The following ATR variants were observed in gnomAD, a reference collection of about 807,000 sequenced individuals.
ATR encodes ATR checkpoint kinase, also known as serine/threonine-protein kinase ATR.
In ATR, 142 loss-of-function variants were observed where a neutral mutation model predicts 305.3. The observed-to-expected ratio is 0.47, with a 90% CI of 0.41 to 0.53. The LOEUF (loss-of-function observed/expected upper bound fraction) is 0.53. Ranked by LOEUF, ATR falls within the 20% of genes least tolerant of loss-of-function variation. ATR has a pLI of 0.00. For missense variants in ATR, 2,135 were observed against 3,133.1 expected (o/e 0.68, Z 7.60); for synonymous variants, 1,050 against 1,068.1 (o/e 0.98, Z 0.33).
chr3:142,501,744 C>T (rs897339172), intron 30 of ATR, among the ~76,000 whole-genome samples: 24 of 151,850 alleles, frequency 1.6e-4, no homozygotes, highest in African/African-American at 5.1e-4. Context: ...AGAATGGCTA[C>T]TATTATTATT....
At chr3:142,567,943 T>C (rs1577712810) in intron 2 of ATR, 120 bp downstream of exon 2, 1 of 806,310 alleles carries the variant, frequency 1.2e-6, no homozygotes, top group Non-Finnish European at 1.9e-6. Context: ...TGCTTGAAAA[T>C]AGTAACTATC....
chr3:142,495,959 G>A (rs1310409617), intron 34 of ATR, among the ~76,000 whole-genome samples: 1 of 151,810 alleles, frequency 6.6e-6, no homozygotes, highest in Non-Finnish European at 1.5e-5. Context: ...CTAATTATCT[G>A]CCAGCAACTA....
rs2034937897 is a variant in ATR, at chr3:142,562,954, A to G, written c.448T>C (p.Leu150=). The change falls in exon 4 of 47, where the codon TTA becomes CTA. Residue 150 remains leucine (L), a synonymous_variant. Coordinates refer to ENST00000350721, the MANE Select transcript of ATR (RefSeq NM_001184.4). The part of the protein sequence containing the change: ...AIFGVLTKEL[L]QLFEDLVYLH... ...TAAACCAAGTCTTCAAAAAGTTGTA[A>G]TAATTCTTTTGTGAGTACCCCAAAA... 5.0e-6 allele frequency: 8 copies of G among 1,612,786 alleles called. No individual in the cohort carries two copies. The highest frequency in any genetic ancestry group is 6.8e-6 in the Non-Finnish European group (8 of 1,179,642).
intron 13 of ATR, among the ~76,000 whole-genome samples, chr3:142,550,660 C>T (rs534165214): frequency 2.0e-5 from 3 of 152,140 alleles, no homozygotes; most frequent in South Asian, 2.1e-4. Flanking sequence ...AGTCTATACA[C>T]CATTATAAGA....
intron 35 of ATR, among the ~76,000 whole-genome samples, chr3:142,491,406 G>A (rs1185619531): frequency 1.3e-5 from 2 of 152,136 alleles, no homozygotes; most frequent in African/African-American, 4.8e-5. Context: ...CTGAAAAGTT[G>A]GTAGTCTGAC....
intron 21 of ATR, among the ~76,000 whole-genome samples, chr3:142,530,987 A>G (rs1009355991): frequency 3.3e-5 from 5 of 152,012 alleles, no homozygotes; most frequent in African/African-American, 7.2e-5. Context: ...CTTTTTTTAT[A>G]CAGTCTCATC....
intron 36 of ATR, among the ~76,000 whole-genome samples, chr3:142,479,811 T>G (rs564563438): frequency 1.2e-4 from 19 of 152,324 alleles, no homozygotes; most frequent in African/African-American, 4.6e-4. Context: ...TCTCTAAACT[T>G]CTCTTCTCGC....
intron 46 of ATR, chr3:142,451,837 C>T (rs932508172): frequency 7.7e-7 from 1 of 1,304,172 alleles, no homozygotes; most frequent in East Asian, 4.6e-5. Context: ...TGCTAGAGCT[C>T]TTTCAGCTGT....
In ATR at chr3:142,493,135, A is replaced by G. The variant is rs1268323889; in HGVS notation, c.6075T>C (p.Tyr2025=). The change falls in exon 35 of 47, where the codon TAT becomes TAC. Residue 2025 remains tyrosine (Y), a synonymous_variant. Coordinates refer to ENST00000350721, the MANE Select transcript of ATR (RefSeq NM_001184.4). ...NFESNAIMKK[Y]KDVTACLPEW... is the part of the protein sequence containing the mutation. Reference sequence around the variant, plus strand: ...ACTGCATTATACATATACTTGCCTTATATTTTTTCATAATTGCATTGCTTT... The same window carrying G: ...ACTGCATTATACATATACTTGCCTTGTATTTTTTCATAATTGCATTGCTTT... 3.1e-6 allele frequency: 5 copies of G among 1,613,284 alleles called. No homozygotes were observed. Among genetic ancestry groups the G allele is most frequent in the East Asian group, 4.5e-5 (2 of 44,856 alleles).
chr3:142,534,377 A>G (rs2033774767), intron 21 of ATR, among the ~76,000 whole-genome samples: 1 of 152,146 alleles, frequency 6.6e-6, no homozygotes, highest in Non-Finnish European at 1.5e-5. Context: ...GCTCATTACC[A>G]TCACGTATAT....
intron 26 of ATR, 87 bp downstream of exon 26, chr3:142,513,414 T>C: frequency 1.3e-6 from 2 of 1,490,006 alleles, no homozygotes; most frequent in Non-Finnish European, 1.9e-6. Context: ...CTACATTTCC[T>C]ACTAATAGGT....
chr3:142,501,757 T>C (rs760462432), intron 30 of ATR, among the ~76,000 whole-genome samples: 1 of 152,186 alleles, frequency 6.6e-6, no homozygotes, highest in Non-Finnish European at 1.5e-5. Flanking sequence ...TTATTATTAT[T>C]ATTTTGAGAC....
chr3:142,565,983 T>C (rs959641825), intron 3 of ATR, 138 bp downstream of exon 3: 2 of 1,069,138 alleles, frequency 1.9e-6, no homozygotes, highest in African/African-American at 3.2e-5. Context: ...AAAATAACCA[T>C]TACCATTTTG....
At chr3:142,499,557 G>C in intron 31 of ATR, 70 bp downstream of exon 31, 1 of 1,433,324 alleles carries the variant, frequency 7.0e-7, no homozygotes, top group South Asian at 1.1e-5. Flanking sequence ...GCCGCCCAAA[G>C]TGCTGGGATT....
intron 12 of ATR, 36 bp from the exon 13 acceptor site, chr3:142,553,434 A>G (rs1175790358): frequency 1.2e-6 from 1 of 800,576 alleles, no homozygotes; most frequent in Admixed American, 3.6e-5. Flanking sequence ...GAATACACAA[A>G]CACACACACA....
intron 35 of ATR, among the ~76,000 whole-genome samples, chr3:142,488,684 A>G (rs1372758317): frequency 2.0e-5 from 3 of 152,222 alleles, no homozygotes; most frequent in African/African-American, 7.2e-5. Flanking sequence ...CTATACTACT[A>G]CTAACTTTTT....
At chr3:142,484,702 A>G (rs2030793919) in intron 36 of ATR, among the ~76,000 whole-genome samples, 1 of 152,130 alleles carries the variant, frequency 6.6e-6, no homozygotes, top group Non-Finnish European at 1.5e-5. Flanking sequence ...AACTAAGGGA[A>G]GGAGGAGATG....
At chr3:142,561,127 A>G in intron 5 of ATR, 116 bp downstream of exon 5, 1 of 1,197,498 alleles carries the variant, frequency 8.4e-7, no homozygotes, top group Non-Finnish European at 1.2e-6. Flanking sequence ...CCTTGGCTAC[A>G]TTTAGAAAGA....
chr3:142,531,934 T>C (rs1272618257), intron 21 of ATR, among the ~76,000 whole-genome samples: 1 of 152,260 alleles, frequency 6.6e-6, no homozygotes, highest in Non-Finnish European at 1.5e-5. Flanking sequence ...CCTGACTTTT[T>C]AATGATCACC....
Sources: allele counts gnomAD v4.1 joint callset (sites outside exome capture counted in the v4.1 genomes callset), GRCh38; gene constraint gnomAD v4.1.1; transcripts MANE v1.5; gene names NCBI Gene and HGNC (gene_info 2026-07-23, HGNC 2026-07-21).